FAM217A: variants seen among roughly 807,000 people sequenced by gnomAD.
FAM217A encodes the protein family with sequence similarity 217 member A.
In FAM217A, 13 loss-of-function variants were observed where a neutral mutation model predicts 18.5. That is an observed-to-expected ratio of 0.70 (90% CI 0.46 to 1.12). FAM217A has a LOEUF of 1.12. Ranked by LOEUF, FAM217A falls within the 50% of genes most tolerant of loss-of-function variation. The probability of loss-of-function intolerance (pLI) is 0.00; values close to 1 mark genes in which losing one functional copy is unlikely to be tolerated. For synonymous variants in FAM217A, 161 were observed against 202.8 expected, an observed-to-expected ratio of 0.79 and a Z score of 1.75; for missense variants, 560 against 575.4, an observed-to-expected ratio of 0.97 and a Z score of 0.27.
chr6:4,076,158 A>G (rs1398521918), intron 2 of FAM217A, among the ~76,000 whole-genome samples: 1 of 150,876 alleles, frequency 6.6e-6, no homozygotes, highest in Non-Finnish European at 1.5e-5. Context: ...TCGAAACCCC[A>G]TTTCTACTAA....
intron 6 of FAM217A, among the ~76,000 whole-genome samples, chr6:4,071,537 C>G (rs1268935251): frequency 1.3e-5 from 2 of 152,150 alleles, no homozygotes; most frequent in African/African-American, 4.8e-5. Flanking sequence ...AGAGCTGGAA[C>G]TGCACGTGGT....
Position 4,069,244 on chromosome 6 carries a change from T to C in FAM217A, c.979A>G (p.Thr327Ala). ...VTERPSSSKA[T>A]PKVRQPKLCD... is the part of the protein sequence containing the mutation. ...AGTTTTGGCTGTCTCACTTTTGGTGTAGCTTTGGAGGAAGAGGGTCGTTCA... is the reference window on the plus strand; with the variant it reads ...AGTTTTGGCTGTCTCACTTTTGGTGCAGCTTTGGAGGAAGAGGGTCGTTCA... The change falls in exon 7 of 7, where the codon ACA becomes GCA. Residue 327 changes from threonine (T) to alanine (A), a missense_variant. Coordinates refer to ENST00000274673, the MANE Select transcript of FAM217A (RefSeq NM_173563.3). The C allele has an allele frequency of 6.2e-7, 1 of 1,614,166 alleles. No homozygotes were observed. The highest frequency in any genetic ancestry group is 8.5e-7 in the Non-Finnish European group (1 of 1,180,028).
intron 1 of FAM217A, among the ~76,000 whole-genome samples, chr6:4,086,247 G>C (rs1770650195): frequency 6.6e-6 from 1 of 151,974 alleles, no homozygotes; most frequent in Admixed American, 6.5e-5. Context: ...AGGAGTTCAA[G>C]ACCAGCCTGA....
rs185818994 is a variant in FAM217A at position 4,084,407 on chromosome 6, T to C, written c.251+171A>G. On this transcript the variant is annotated intron_variant, in intron 2 of 8. Coordinates refer to the FAM217A transcript ENST00000639338. ...GCAGCTAGTGCTTTTGAATACATTC[T>C]CAATCATATATTTTCTCCTTTATTT... Among the ~76,000 whole-genome samples, 6 of 152,356 alleles carry C rather than the reference T, an allele frequency of 3.9e-5. No homozygotes were observed. In the East Asian group the frequency reaches 1.2e-3, roughly 29 times the overall value.
At position 4,077,461 on chromosome 6, in the gene FAM217A, C is replaced by T. The variant is rs867835254; in HGVS notation, c.-34-13G>A. On this transcript the variant is annotated splice_polypyrimidine_tract_variant and intron_variant, in intron 1 of 6. Transcript: ENST00000274673. ...TTTCCTTAAAATCCTACACAGATTGCGGGATAGGCACATTTATGGGTAAGG... is the reference window on the plus strand; with the variant it reads ...TTTCCTTAAAATCCTACACAGATTGTGGGATAGGCACATTTATGGGTAAGG... The T allele has an allele frequency of 3.1e-6, 5 of 1,591,496 alleles. No homozygotes were observed. Among genetic ancestry groups the T allele is most frequent in the East Asian group, 2.2e-5 (1 of 44,774 alleles).
chr6:4,069,040 A>G lies in FAM217A; in HGVS notation c.1183T>C (p.Leu395=), dbSNP rs1384629057. ...SLKSSSTPKQ[L]IETYDKNPKS... is the part of the protein sequence containing the mutation. ...GGATTCTTATCATAAGTTTCAATCAATTGTTTTGGGGTGGAAGAACTTTTT... is the reference window on the plus strand; with the variant it reads ...GGATTCTTATCATAAGTTTCAATCAGTTGTTTTGGGGTGGAAGAACTTTTT... The change falls in exon 7 of 7, where the codon TTG becomes CTG. Residue 395 remains leucine (L), a synonymous_variant. Coordinates refer to ENST00000274673, the MANE Select transcript of FAM217A (RefSeq NM_173563.3). 1.9e-5 allele frequency: 30 copies of G among 1,613,732 alleles called. No homozygotes were observed. In the Admixed American group the frequency reaches 4.7e-4, roughly 25 times the overall value.
upstream of FAM217A, chr6:4,087,160 A>C: frequency 2.2e-6 from 1 of 458,904 alleles, no homozygotes; most frequent in Non-Finnish European, 3.6e-6. Context: ...GGCTTCTACA[A>C]AGTACCAGAT....
At chr6:4,083,538 CTTTCT>C (rs150700134), upstream of FAM217A, among the ~76,000 whole-genome samples, 8,814 of 150,396 alleles carry the variant, frequency 0.059, 340 homozygotes, top group South Asian at 0.13. Context: ...CTTTTTGTTT[CTTTCT>C]TTTCTTTTCT....
At chr6:4,076,132 C>T (rs879857535) in intron 2 of FAM217A, among the ~76,000 whole-genome samples, 1 of 151,656 alleles carries the variant, frequency 6.6e-6, no homozygotes, top group Non-Finnish European at 1.5e-5. Flanking sequence ...AGCTCTAGAC[C>T]AGCCTGGCCA....
chr6:4,083,599 T>G (rs1221773421), upstream of FAM217A, among the ~76,000 whole-genome samples: 1 of 149,614 alleles, frequency 6.7e-6, no homozygotes, highest in East Asian at 2.0e-4. Flanking sequence ...TTGCCCAGGG[T>G]GGAGTGCAAT....
At position 4,068,612 on chromosome 6, in the gene FAM217A, C is replaced by T. The variant is rs560923352; in HGVS notation, c.*84G>A. Reference sequence around the variant, plus strand: ...TGATTTTGGGGGACTGTTAATAGTACCTGTGTCTTGGAATAATTAACCATA... The same window carrying T: ...TGATTTTGGGGGACTGTTAATAGTATCTGTGTCTTGGAATAATTAACCATA... On this transcript the variant is annotated 3_prime_UTR_variant, in exon 7 of 7. Transcript: ENST00000274673. The T allele has an allele frequency of 2.8e-6, 4 of 1,442,898 alleles. No individual in the cohort carries two copies. The highest frequency in any genetic ancestry group is 4.6e-5 in the East Asian group (2 of 43,864). The allele number at this position is 1,442,898 out of a possible 1,614,324, so 89.4% of individuals were successfully genotyped here. A position where few individuals can be genotyped will look rare whatever the true frequency, so the allele number is the denominator to read the frequency against.
At chr6:4,085,632 G>T (rs1295359696) in intron 1 of FAM217A, among the ~76,000 whole-genome samples, 3 of 152,100 alleles carry the variant, frequency 2.0e-5, no homozygotes, top group Non-Finnish European at 4.4e-5. Context: ...AGAAGCTGGG[G>T]ATATGTCTTC....
upstream of FAM217A, chr6:4,079,495 TGGGCCTCCTC>T (rs201784902): frequency 0.071 from 43,916 of 619,420 alleles, 1,570 homozygotes; most frequent in Non-Finnish European, 0.084. Flanking sequence ...TCGGCCTTCC[TGGGCCTCCTC>T]GGGCTTCCTT....
rs1769282392 is a variant in FAM217A, at chr6:4,069,786, G to A, written c.437C>T (p.Pro146Leu). The A allele has an allele frequency of 6.2e-7, 1 of 1,614,048 alleles. No homozygotes were observed. Among genetic ancestry groups the A allele is most frequent in the African/African-American group, 1.3e-5 (1 of 74,928 alleles). The change falls in exon 7 of 7, where the codon CCA becomes CTA. Residue 146 changes from proline to leucine, a missense_variant. Transcript: ENST00000274673. ...QVGPYPGLPM[P>L]LGLCWPYADG... is the part of the protein sequence containing the mutation. The stretch of plus-strand genomic sequence containing the variant: ...AGCATAGGGCCAGCAGAGACCTAAT[G>A]GCATTGGCAGTCCAGGGTAAGGACC...
At position 4,069,755 on chromosome 6, in the gene FAM217A, T is replaced by C; in HGVS notation, c.468A>G (p.Gly156=). 2.5e-6 allele frequency: 4 copies of C among 1,614,142 alleles called. No homozygotes were observed. Among genetic ancestry groups the C allele is most frequent in the South Asian group, 1.1e-5 (1 of 91,080 alleles). The change falls in exon 7 of 7, where the codon GGA becomes GGG. Residue 156 remains glycine (G), a synonymous_variant. Transcript: ENST00000274673. ...PLGLCWPYAD[G]DFFKNRNEIH... ...TCTCATTTCTGTTCTTAAAAAAGTCTCCATCAGCATAGGGCCAGCAGAGAC... is the reference window on the plus strand; with the variant it reads ...TCTCATTTCTGTTCTTAAAAAAGTCCCCATCAGCATAGGGCCAGCAGAGAC...
upstream of FAM217A, chr6:4,079,537 G>A (rs994182223): frequency 2.7e-6 from 3 of 1,124,678 alleles, no homozygotes; most frequent in African/African-American, 3.3e-5. Flanking sequence ...GGCCTTCCCC[G>A]AGGCCTCCAG....
chr6:4,069,586 C>A lies in FAM217A; in HGVS notation c.637G>T (p.Asp213Tyr). 1 of 1,614,056 alleles carries A rather than the reference C, an allele frequency of 6.2e-7. No homozygotes were observed. Among genetic ancestry groups the A allele is most frequent in the South Asian group, 1.1e-5 (1 of 91,060 alleles). Reference protein sequence around the residue: ...SDLSENEKTNDTLLSYFKKVD... With the variant: ...SDLSENEKTNYTLLSYFKKVD... ...TTTTTAAAATAGCTGAGTAAAGTAT[C>A]ATTTGTCTTCTCATTTTCTGATAAA... Residue 213 changes from aspartate to tyrosine, a missense_variant, in exon 7 of 7, where the codon GAT becomes TAT. Transcript: ENST00000274673.
At position 4,069,891 on chromosome 6, in the gene FAM217A, C is replaced by G; in HGVS notation, c.332G>C (p.Gly111Ala). 3.2e-6 allele frequency: 5 copies of G among 1,575,104 alleles called. No homozygotes were observed. Among genetic ancestry groups the G allele is most frequent in the Non-Finnish European group, 4.3e-6 (5 of 1,161,878 alleles). Residue 111 changes from glycine to alanine, a missense_variant, in exon 7 of 7, where the codon GGC (glycine) becomes GCC (alanine). Coordinates refer to ENST00000274673, the MANE Select transcript of FAM217A (RefSeq NM_173563.3). Reference sequence around the variant, plus strand: ...TATAGGATGATTGATTACATTAAAGCCAGTTTCCACTGAAGATTTTTTGAA... The same window carrying G: ...TATAGGATGATTGATTACATTAAAGGCAGTTTCCACTGAAGATTTTTTGAA... ...REFKKSSVET[G>A]FNVINHPIRV...
intron 6 of FAM217A, among the ~76,000 whole-genome samples, chr6:4,072,739 G>GC (rs1769512146): frequency 1.4e-5 from 2 of 141,816 alleles, no homozygotes; most frequent in South Asian, 4.8e-4. Context: ...TCCAGCCTGG[G>GC]CAACAAGAGC....
Sources: allele counts gnomAD v4.1 joint callset (sites outside exome capture counted in the v4.1 genomes callset), GRCh38; gene constraint gnomAD v4.1.1; transcripts MANE v1.5; gene names NCBI Gene and HGNC (gene_info 2026-07-23, HGNC 2026-07-21).